CCDC91: variants seen among roughly 807,000 people sequenced by gnomAD.
CCDC91 encodes the protein coiled-coil domain-containing protein 91.
In CCDC91, 48 loss-of-function variants were observed where a neutral mutation model predicts 63.2. That is an observed-to-expected ratio of 0.76 (90% CI 0.60 to 0.97). CCDC91 has a LOEUF of 0.97. CCDC91 is among the 50% of genes least tolerant of loss of function. The pLI is 0.00. For synonymous variants in CCDC91, 167 were observed against 165.8 expected, an observed-to-expected ratio of 1.01 and a Z score of -0.06; for missense variants, 500 against 494.6, an observed-to-expected ratio of 1.01 and a Z score of -0.10.
intron 6 of CCDC91, among the ~76,000 whole-genome samples, chr12:28,338,708 T>C (rs1402281923): frequency 6.6e-6 from 1 of 151,744 alleles, no homozygotes; most frequent in South Asian, 2.1e-4. Flanking sequence ...ATACACTGTA[T>C]AGGGTGGGGA....
intron 6 of CCDC91, among the ~76,000 whole-genome samples, chr12:28,325,006 G>C (rs1940854788): frequency 6.6e-6 from 1 of 151,926 alleles, no homozygotes. Context: ...CTCTCAAGCA[G>C]AGGCAGAATG....
intron 12 of CCDC91, among the ~76,000 whole-genome samples, chr12:28,488,571 G>C (rs1951840821): frequency 6.6e-6 from 1 of 150,598 alleles, no homozygotes; most frequent in African/African-American, 2.4e-5. Flanking sequence ...TAATCCTGAG[G>C]AAAAAAAAGG....
intron 1 of CCDC91, among the ~76,000 whole-genome samples, chr12:28,243,669 A>C (rs978116583): frequency 6.6e-6 from 1 of 152,210 alleles, no homozygotes; most frequent in African/African-American, 2.4e-5. Flanking sequence ...CATAAATCAG[A>C]GATTAAAAGG....
intron 12 of CCDC91, among the ~76,000 whole-genome samples, chr12:28,484,494 A>G (rs1951617140): frequency 6.6e-6 from 1 of 152,126 alleles, no homozygotes; most frequent in Non-Finnish European, 1.5e-5. Context: ...ATTTCTTATA[A>G]TATTCATAGA....
intron 8 of CCDC91, among the ~76,000 whole-genome samples, chr12:28,394,221 C>T (rs1946128882): frequency 6.6e-6 from 1 of 152,150 alleles, no homozygotes; most frequent in Non-Finnish European, 1.5e-5. Context: ...AATCCCAGCA[C>T]TTTGGGAGGC....
intron 7 of CCDC91, among the ~76,000 whole-genome samples, chr12:28,385,330 A>G (rs1307013769): frequency 1.3e-5 from 2 of 152,156 alleles, no homozygotes; most frequent in African/African-American, 2.4e-5. Context: ...TGAAGGGACA[A>G]ATAATCAGGC....
chr12:28,477,802 A>T (rs544009711), intron 11 of CCDC91, among the ~76,000 whole-genome samples: 14 of 152,174 alleles, frequency 9.2e-5, no homozygotes, highest in African/African-American at 3.4e-4. Flanking sequence ...AATCACAAGC[A>T]CTCTTATACA....
chr12:28,493,514 GT>G (rs896473714), intron 12 of CCDC91, among the ~76,000 whole-genome samples: 2 of 151,648 alleles, frequency 1.3e-5, no homozygotes, highest in African/African-American at 4.8e-5. Context: ...AGAAAATGCT[GT>G]TTGTGGATTT....
chr12:28,399,664 A>G (rs786712), intron 8 of CCDC91, among the ~76,000 whole-genome samples: 38,486 of 152,224 alleles, frequency 0.25, 5,456 homozygotes, highest in East Asian at 0.57. Flanking sequence ...ATGGAGATAC[A>G]GACATTGGAT....
intron 3 of CCDC91, among the ~76,000 whole-genome samples, chr12:28,296,483 C>T (rs1949572728): frequency 1.3e-5 from 2 of 151,764 alleles, no homozygotes; most frequent in African/African-American, 4.8e-5. Context: ...ATGATGTAAT[C>T]ATTTTATTAA....
At chr12:28,307,530 G>A (rs991217686) in intron 5 of CCDC91, 115 bp from the exon 6 acceptor site, 11 of 576,236 alleles carry the variant, frequency 1.9e-5, no homozygotes, top group East Asian at 9.6e-5. Context: ...ATTTTAAGCC[G>A]TACTTCCCAT....
chr12:28,446,812 A>G (rs1949525130), intron 8 of CCDC91, among the ~76,000 whole-genome samples: 1 of 152,216 alleles, frequency 6.6e-6, no homozygotes, highest in Non-Finnish European at 1.5e-5. Flanking sequence ...AGAACCAAGT[A>G]ACTGCAACAA....
intron 11 of CCDC91, among the ~76,000 whole-genome samples, chr12:28,457,610 A>G (rs1177538646): frequency 2.0e-5 from 3 of 151,578 alleles, no homozygotes; most frequent in Non-Finnish European, 4.4e-5. Context: ...TACTGAGGAG[A>G]TAAATGTTAA....
At chr12:28,425,032 G>A (rs1472933576) in intron 8 of CCDC91, among the ~76,000 whole-genome samples, 1 of 152,076 alleles carries the variant, frequency 6.6e-6, no homozygotes, top group East Asian at 1.9e-4. Flanking sequence ...CCAGATCCTG[G>A]TTAAAAACCT....
intron 1 of CCDC91, among the ~76,000 whole-genome samples, chr12:28,246,993 A>C (rs181974753): frequency 1.9e-4 from 29 of 152,326 alleles, no homozygotes; most frequent in Admixed American, 9.1e-4. Context: ...CTTAGAGTGT[A>C]ATACCTTAGA....
chr12:28,519,664 C>T (rs1940372625), intron 12 of CCDC91, among the ~76,000 whole-genome samples: 1 of 151,156 alleles, frequency 6.6e-6, no homozygotes, highest in Admixed American at 6.6e-5. Flanking sequence ...TGGTGTGCTG[C>T]ACCCATTAAC....
At chr12:28,451,517 C>T (rs1224659268) in intron 10 of CCDC91, among the ~76,000 whole-genome samples, 2 of 151,558 alleles carry the variant, frequency 1.3e-5, no homozygotes, top group Admixed American at 6.6e-5. Context: ...TTAGAAAACT[C>T]GTATCTGTTT....
At chr12:28,450,913 G>A (rs905403774) in intron 10 of CCDC91, among the ~76,000 whole-genome samples, 1 of 151,414 alleles carries the variant, frequency 6.6e-6, no homozygotes, top group Non-Finnish European at 1.5e-5. Flanking sequence ...ACTATGCCAG[G>A]GTTAAATTCA....
intron 12 of CCDC91, among the ~76,000 whole-genome samples, chr12:28,531,211 A>G (rs1941701839): frequency 6.6e-6 from 1 of 152,188 alleles, no homozygotes; most frequent in Admixed American, 6.6e-5. Flanking sequence ...TCACAAACAC[A>G]AAATTGGTAA....
Sources: gnomAD v4.1 joint callset for allele counts (sites outside exome capture counted in the v4.1 genomes callset) on GRCh38, gnomAD v4.1.1 for gene constraint, MANE v1.5 for transcripts, NCBI Gene and HGNC (gene_info 2026-07-23, HGNC 2026-07-21) for gene names.